Variants in FHOD3 observed in about 807,000 individuals in gnomAD.
FHOD3 encodes formin homology 2 domain containing 3, also known as FH1/FH2 domain-containing protein 3.
In FHOD3, 90 loss-of-function variants were observed where a neutral mutation model predicts 173.0. The ratio of observed to expected loss-of-function variants is 0.52; its 90% CI spans 0.44 to 0.62. The LOEUF (loss-of-function observed/expected upper bound fraction) is 0.62, where lower values mean the gene tolerates loss of function less well. Ranked by LOEUF, FHOD3 falls within the 20% of genes least tolerant of loss-of-function variation. FHOD3 has a pLI of 0.00. For synonymous variants in FHOD3, 828 were observed against 823.0 expected (o/e 1.01, Z -0.10); for missense variants, 1,945 against 2,034.7 (o/e 0.96, Z 0.85).
In FHOD3 at chr18:36,718,476, G is replaced by A. The variant is rs767757054; in HGVS notation, c.3178G>A (p.Val1060Met). 3 of 1,607,934 alleles carry A rather than the reference G, an allele frequency of 1.9e-6. No individual in the cohort carries two copies. The South Asian group carries it at 3.3e-5, about 18-fold the overall frequency. Residue 1060 changes from valine (V) to methionine (M), a missense_variant, in exon 19 of 29, where the codon GTG becomes ATG. This residue lies in a region of FHOD3 where 1,099 missense variants were observed against 1,051.2 expected (regional missense o/e 1.05). Transcript: ENST00000590592. ...PGNLLVPPPP[V>M]FNAPQGLGWS... Reference sequence around the variant, plus strand: ...TAATTTATTGGTTCCTCCTCCTCCAGTGTTCAACGCTCCTCAGGGCTTAGG... The same window carrying A: ...TAATTTATTGGTTCCTCCTCCTCCAATGTTCAACGCTCCTCAGGGCTTAGG...
At chr18:36,778,378 A>G (rs971587949) in intron 28 of FHOD3, 11 of 152,244 alleles carry the variant, frequency 7.2e-5, no homozygotes, top group Admixed American at 7.2e-4. Flanking sequence ...AGGCAGATCC[A>G]TAACGTTTCT....
chr18:36,563,052 G>A (rs1303812518), intron 5 of FHOD3, among the ~76,000 whole-genome samples: 1 of 152,158 alleles, frequency 6.6e-6, no homozygotes, highest in East Asian at 1.9e-4. Context: ...GTCCCCTCAG[G>A]TACGTGCTTC....
rs148242635 is a variant in FHOD3 at position 36,304,782 on chromosome 18, A to G, written c.165+6782A>G. On this transcript the variant is annotated intron_variant, in intron 1 of 28. Coordinates refer to ENST00000590592, the MANE Select transcript of FHOD3 (RefSeq NM_001281740.3). ...GATATTATACCTGTGGTTTCAGTATATGCTCCTAAATTTTTATTACTAAAC... is the reference window on the plus strand; with the variant it reads ...GATATTATACCTGTGGTTTCAGTATGTGCTCCTAAATTTTTATTACTAAAC... Among the ~76,000 whole-genome samples, 638 of 152,352 alleles carry G rather than the reference A, an allele frequency of 4.2e-3. 5 individuals carry two copies. The highest frequency in any genetic ancestry group is 0.015 in the African/African-American group (607 of 41,586).
rs111484592 is a variant in FHOD3, at chr18:36,713,363, T to A, written c.2533+3972T>A. On this transcript the variant is annotated intron_variant, in intron 18 of 28. Coordinates refer to ENST00000590592, the MANE Select transcript of FHOD3 (RefSeq NM_001281740.3). ...CTAACGGTATCAAAATGGAAGTAAG[T>A]TTTCCACACTTCAGAGTGGTTAAAC... Among the ~76,000 whole-genome samples, 138 of 152,330 alleles carry A rather than the reference T, an allele frequency of 9.1e-4. 1 individual carries two copies. The highest frequency in any genetic ancestry group is 3.1e-3 in the African/African-American group (127 of 41,578).
intron 3 of FHOD3, among the ~76,000 whole-genome samples, chr18:36,474,269 A>G (rs2053439157): frequency 6.6e-6 from 1 of 152,198 alleles, no homozygotes; most frequent in Non-Finnish European, 1.5e-5. Flanking sequence ...CACCACGTGC[A>G]CAGGAACATG....
intron 6 of FHOD3, among the ~76,000 whole-genome samples, chr18:36,591,432 G>A (rs2059213359): frequency 6.6e-6 from 1 of 152,138 alleles, no homozygotes. Context: ...GGGCTGGGAG[G>A]GCTCACTCCA....
intron 5 of FHOD3, among the ~76,000 whole-genome samples, chr18:36,551,910 T>C (rs1417326593): frequency 1.3e-5 from 2 of 152,214 alleles, no homozygotes; most frequent in African/African-American, 2.4e-5. Flanking sequence ...CCTTGTAGTA[T>C]AGTTTGAAGT....
At chr18:36,610,692 C>T (rs1430966111) in intron 8 of FHOD3, among the ~76,000 whole-genome samples, 2 of 152,186 alleles carry the variant, frequency 1.3e-5, no homozygotes, top group African/African-American at 2.4e-5. Flanking sequence ...ACACTGATAG[C>T]CCCAAGATAG....
intron 19 of FHOD3, among the ~76,000 whole-genome samples, chr18:36,725,438 T>C (rs2041011395): frequency 2.0e-5 from 3 of 152,238 alleles, no homozygotes; most frequent in African/African-American, 4.8e-5. Flanking sequence ...GCGATAAATA[T>C]AGGGAAGCTT....
At chr18:36,303,639 A>G (rs747334271) in intron 1 of FHOD3, among the ~76,000 whole-genome samples, 1 of 150,868 alleles carries the variant, frequency 6.6e-6, no homozygotes, top group Non-Finnish European at 1.5e-5. Flanking sequence ...TTTTCTCTCC[A>G]TATTTTATCT....
Position 36,775,519 on chromosome 18 carries a change from G to A in FHOD3, c.4787-3929G>A, listed in dbSNP as rs546154662. On this transcript the variant is annotated intron_variant, in intron 28 of 28. Transcript: ENST00000590592. ...GGTCCGGGTTTGCTCACTTATTGAA[G>A]ATATAACAAGAGTTCCCATCTCACA... Among the ~76,000 whole-genome samples the A allele has an allele frequency of 3.3e-5, 5 of 152,262 alleles. No homozygotes were observed. The South Asian group carries it at 1.0e-3, about 32-fold the overall frequency.
At chr18:36,668,046 C>A (rs973188433) in intron 14 of FHOD3, among the ~76,000 whole-genome samples, 1 of 152,142 alleles carries the variant, frequency 6.6e-6, no homozygotes. Context: ...GGGAAACATA[C>A]TCCTTCCTCT....
intron 3 of FHOD3, among the ~76,000 whole-genome samples, chr18:36,463,735 A>G (rs1167529927): frequency 6.6e-6 from 1 of 152,172 alleles, no homozygotes; most frequent in Admixed American, 6.5e-5. Flanking sequence ...TGCTTAAGCA[A>G]TCTGCCCGCC....
Position 36,436,108 on chromosome 18 carries a change from C to G in FHOD3, c.337+63364C>G, listed in dbSNP as rs533864628. Among the ~76,000 whole-genome samples the G allele has an allele frequency of 2.5e-4, 38 of 152,226 alleles. No homozygotes were observed. In the East Asian group the frequency reaches 7.1e-3, roughly 29 times the overall value. On this transcript the variant is annotated intron_variant, in intron 3 of 28. Coordinates refer to ENST00000590592, the MANE Select transcript of FHOD3 (RefSeq NM_001281740.3). ...ACAGGCAAAGGTGTTAAAAATTATC[C>G]TTCCTTTTATATGCTAAAATGGAAG...
chr18:36,460,971 G>A (rs1056323797), intron 3 of FHOD3, among the ~76,000 whole-genome samples: 1 of 152,202 alleles, frequency 6.6e-6, no homozygotes, highest in Non-Finnish European at 1.5e-5. Flanking sequence ...GTTGTTGGCA[G>A]TGGTAATTAT....
intron 11 of FHOD3, among the ~76,000 whole-genome samples, chr18:36,651,210 T>C (rs762846270): frequency 6.6e-6 from 1 of 152,044 alleles, no homozygotes; most frequent in Non-Finnish European, 1.5e-5. Flanking sequence ...AGGGAAACTG[T>C]TGGGTGCCTG....
At chr18:36,506,013 A>G (rs1246007694) in intron 4 of FHOD3, among the ~76,000 whole-genome samples, 1 of 152,220 alleles carries the variant, frequency 6.6e-6, no homozygotes, top group Non-Finnish European at 1.5e-5. Context: ...GATTAGTTTC[A>G]TAAACATTTT....
chr18:36,320,751 T>G (rs1300882716), intron 1 of FHOD3, among the ~76,000 whole-genome samples: 1 of 152,218 alleles, frequency 6.6e-6, no homozygotes, highest in Admixed American at 6.5e-5. Flanking sequence ...ACCCTCAAAG[T>G]GCATTGCACC....
At chr18:36,698,795 C>T (rs2039421988) in intron 17 of FHOD3, among the ~76,000 whole-genome samples, 1 of 152,176 alleles carries the variant, frequency 6.6e-6, no homozygotes, top group Non-Finnish European at 1.5e-5. Flanking sequence ...CTAGTGATAG[C>T]AATAGCCAGA....
Sources: gnomAD v4.1 joint callset for allele counts (sites outside exome capture counted in the v4.1 genomes callset) on GRCh38, gnomAD v4.1.1 for gene constraint, gnomAD v4.1.1 regional missense constraint, MANE v1.5 for transcripts, NCBI Gene and HGNC (gene_info 2026-07-23, HGNC 2026-07-21) for gene names.